The following CTNND2 variants were observed in gnomAD, a reference collection of about 807,000 sequenced individuals.
CTNND2 encodes the protein catenin delta 2.
In CTNND2, 22 loss-of-function variants were observed where a neutral mutation model predicts 144.4. The observed-to-expected ratio is 0.15, with a 90% CI of 0.11 to 0.22. The LOEUF is 0.22. Among genes scored for constraint, CTNND2 ranks in the 10% least tolerant of loss-of-function variants. CTNND2 has a pLI of 1.00. For synonymous variants in CTNND2, 751 were observed against 695.6 expected, an observed-to-expected ratio of 1.08 and a Z score of -1.25; for missense variants, 1,353 against 1,618.8, an observed-to-expected ratio of 0.84 and a Z score of 2.82.
chr5:11,082,610 C>T (rs1749693719), intron 16 of CTNND2, 86 bp downstream of exon 16: 2 of 1,466,564 alleles, frequency 1.4e-6, no homozygotes, highest in East Asian at 4.6e-5. Context: ...TAAGCATAGG[C>T]TATGCATACG....
chr5:11,400,035 T>G (rs1332566995), intron 5 of CTNND2, among the ~76,000 whole-genome samples: 1 of 152,232 alleles, frequency 6.6e-6, no homozygotes, highest in Non-Finnish European at 1.5e-5. Context: ...ATTAGCTTTA[T>G]TAATATTACT....
chr5:11,242,352 T>C (rs1170257533), intron 9 of CTNND2, among the ~76,000 whole-genome samples: 1 of 152,210 alleles, frequency 6.6e-6, no homozygotes, highest in African/African-American at 2.4e-5. Flanking sequence ...GGAATAAAAT[T>C]CTAGTTGTCT....
At chr5:11,445,691 C>G (rs1214963636) in intron 3 of CTNND2, among the ~76,000 whole-genome samples, 2 of 152,202 alleles carry the variant, frequency 1.3e-5, no homozygotes, top group African/African-American at 4.8e-5. Context: ...AGGCTTTCAG[C>G]CACAGGGAGG....
intron 7 of CTNND2, among the ~76,000 whole-genome samples, chr5:11,366,748 T>C (rs910128541): frequency 1.3e-5 from 2 of 152,176 alleles, no homozygotes; most frequent in African/African-American, 2.4e-5. Context: ...CTGGTACATT[T>C]AGAATTGTTA....
chr5:11,179,686 C>T (rs568201627), intron 11 of CTNND2, among the ~76,000 whole-genome samples: 1 of 152,168 alleles, frequency 6.6e-6, no homozygotes, highest in East Asian at 1.9e-4. Context: ...GGGCTGAGGA[C>T]CTATTGACAC....
intron 21 of CTNND2, among the ~76,000 whole-genome samples, chr5:10,978,003 T>C (rs1736713611): frequency 6.6e-6 from 1 of 152,212 alleles, no homozygotes; most frequent in African/African-American, 2.4e-5. Flanking sequence ...CTGATTTCCC[T>C]CCATGAATTG....
chr5:11,567,759 C>T (rs1043568496), intron 2 of CTNND2, among the ~76,000 whole-genome samples: 4 of 151,948 alleles, frequency 2.6e-5, no homozygotes, highest in Non-Finnish European at 5.9e-5. Context: ...ATTAATTATC[C>T]TTTTTGTTAA....
At chr5:11,747,226 A>G (rs1172164921) in intron 1 of CTNND2, among the ~76,000 whole-genome samples, 3 of 152,198 alleles carry the variant, frequency 2.0e-5, no homozygotes, top group Admixed American at 1.3e-4. Flanking sequence ...ACTTATCCTT[A>G]TGCCAGAAAA....
intron 14 of CTNND2, among the ~76,000 whole-genome samples, chr5:11,103,915 C>T (rs1752160330): frequency 6.6e-6 from 1 of 152,156 alleles, no homozygotes; most frequent in African/African-American, 2.4e-5. Context: ...GGGCTGGGTA[C>T]TGAGGAGACA....
In CTNND2 at chr5:11,153,056, G is replaced by C. The variant is rs1328434818; in HGVS notation, c.2159+6520C>G. Among the ~76,000 whole-genome samples the C allele has an allele frequency of 2.0e-5, 3 of 152,224 alleles. No homozygotes were observed. The East Asian group carries it at 5.8e-4, about 30-fold the overall frequency. On this transcript the variant is annotated intron_variant, in intron 12 of 21. Transcript: ENST00000304623. ...AGGCGGGAGGATCACTTGAGGTCAG[G>C]AGTTCAGGACTAGCCTGGCCAACAC... is the stretch of plus-strand genomic sequence containing the variant.
rs906781644 is a variant in CTNND2, at chr5:10,988,059, G to C, written c.3343+52C>G. ...GCCTGATGTCCCATATCTCTGCCTT[G>C]TCGCGGGTCAAGCCACCAAGTTCCA... On this transcript the variant is annotated intron_variant, in intron 20 of 21. Coordinates refer to ENST00000304623, the MANE Select transcript of CTNND2 (RefSeq NM_001332.4). This position sits in a 1 kb window ranked among gnomAD's most constrained non-coding sequence, Gnocchi z 5.9. 1.7e-5 allele frequency: 28 copies of C among 1,610,546 alleles called. No individual in the cohort carries two copies. The South Asian group carries it at 3.1e-4, about 18-fold the overall frequency.
At chr5:10,978,500 AGG>A (rs35851795) in intron 21 of CTNND2, among the ~76,000 whole-genome samples, 9 of 145,330 alleles carry the variant, frequency 6.2e-5, no homozygotes, top group Non-Finnish European at 9.4e-5. Flanking sequence ...CTTTTTGGGG[AGG>A]GGGGGGAACC....
At chr5:11,539,565 G>A (rs1581444256) in intron 3 of CTNND2, among the ~76,000 whole-genome samples, 1 of 152,220 alleles carries the variant, frequency 6.6e-6, no homozygotes, top group East Asian at 1.9e-4. Flanking sequence ...TACCAGATGA[G>A]CAAGTCATTC....
chr5:10,978,502 G>C lies in CTNND2; in HGVS notation c.3417+3271C>G, dbSNP rs558050603. 1.8e-4 allele frequency among the ~76,000 whole-genome samples: 14 copies of C among 79,406 alleles called. No individual in the cohort carries two copies. In the South Asian group the frequency reaches 1.9e-3, roughly 11 times the overall value. The allele number at this position is 79,406 out of a possible 152,430, so 52.1% of individuals were successfully genotyped here. On this transcript the variant is annotated intron_variant, in intron 21 of 21. Transcript: ENST00000304623. ...CTCCTTGGAAATACTTTTTGGGGAGGGGGGGGAACCCTCTCTTTGGTGGAC... is the reference window on the plus strand; with the variant it reads ...CTCCTTGGAAATACTTTTTGGGGAGCGGGGGGAACCCTCTCTTTGGTGGAC...
intron 1 of CTNND2, among the ~76,000 whole-genome samples, chr5:11,733,749 T>C (rs1043479283): frequency 7.2e-5 from 11 of 152,188 alleles, no homozygotes; most frequent in African/African-American, 2.4e-4. Context: ...TTGTCTGAGT[T>C]TATTTGTGAA....
chr5:11,220,688 A>G (rs1469909925), intron 10 of CTNND2, among the ~76,000 whole-genome samples: 1 of 152,154 alleles, frequency 6.6e-6, no homozygotes, highest in Non-Finnish European at 1.5e-5. Flanking sequence ...CAGGCATGCT[A>G]CTGGAACGCT....
intron 7 of CTNND2, among the ~76,000 whole-genome samples, chr5:11,370,470 G>A (rs1476186435): frequency 6.6e-6 from 1 of 152,150 alleles, no homozygotes; most frequent in African/African-American, 2.4e-5. Flanking sequence ...AGCATCTAAT[G>A]TGTTACACCT....
intron 3 of CTNND2, among the ~76,000 whole-genome samples, chr5:11,548,120 G>A (rs1475974738): frequency 1.3e-5 from 2 of 152,148 alleles, no homozygotes; most frequent in Non-Finnish European, 2.9e-5. Context: ...ACAGAGTGCA[G>A]CAAAAAGCAA....
At chr5:11,221,138 C>T (rs895746671) in intron 10 of CTNND2, among the ~76,000 whole-genome samples, 1 of 152,132 alleles carries the variant, frequency 6.6e-6, no homozygotes, top group Non-Finnish European at 1.5e-5. Context: ...ATATAATGAG[C>T]ACCTATAGCT....
Sources: gnomAD v4.1 joint callset for allele counts (sites outside exome capture counted in the v4.1 genomes callset) on GRCh38, gnomAD v4.1.1 for gene constraint, Gnocchi (gnomAD v3.1) non-coding constraint, MANE v1.5 for transcripts, NCBI Gene and HGNC (gene_info 2026-07-23, HGNC 2026-07-21) for gene names.